Variants in IDO2 observed in about 807,000 individuals in gnomAD.
IDO2 encodes indoleamine 2,3-dioxygenase-like 1 protein.
In IDO2, 46 loss-of-function variants were observed where a neutral mutation model predicts 45.1. The ratio of observed to expected loss-of-function variants is 1.02; its 90% CI spans 0.80 to 1.30. The LOEUF (loss-of-function observed/expected upper bound fraction) is 1.30. IDO2 is among the 50% of genes most tolerant of loss of function. The pLI is 0.00. For synonymous variants in IDO2, 218 were observed against 184.9 expected, an observed-to-expected ratio of 1.18 and a Z score of -1.45; for missense variants, 544 against 491.8, an observed-to-expected ratio of 1.11 and a Z score of -1.00.
chr8:40,003,368 C>CAAAAA (rs1172335332), intron 8 of IDO2, among the ~76,000 whole-genome samples: 6 of 118,416 alleles, frequency 5.1e-5, no homozygotes, highest in East Asian at 2.8e-4. Context: ...GACTCCATCT[C>CAAAAA]AAAAAAAAAA....
intron 1 of IDO2, among the ~76,000 whole-genome samples, chr8:39,945,543 T>G (rs1807716119): frequency 6.6e-6 from 1 of 152,220 alleles, no homozygotes; most frequent in Non-Finnish European, 1.5e-5. Flanking sequence ...GTCAGGTGCT[T>G]GTTTGATACC....
intron 4 of IDO2, among the ~76,000 whole-genome samples, chr8:39,980,209 G>A (rs1808322639): frequency 6.6e-6 from 1 of 152,112 alleles, no homozygotes; most frequent in African/African-American, 2.4e-5. Context: ...TCATAATCCT[G>A]TAAAGTAACA....
At chr8:39,979,134 G>T in exon 4 of IDO2, 2 of 1,603,334 alleles carry the variant, frequency 1.2e-6, no homozygotes, top group South Asian at 2.3e-5. Context: ...CTGGTCCTGA[G>T]CTTCCTCACC....
chr8:39,965,939 A>C (rs886762887), intron 3 of IDO2, among the ~76,000 whole-genome samples: 3 of 151,184 alleles, frequency 2.0e-5, no homozygotes, highest in African/African-American at 7.3e-5. Context: ...GGCAGAGTAC[A>C]TTTCTGCTAT....
At chr8:40,016,053 G>C in exon 11 of IDO2, 1 of 391,696 alleles carries the variant, frequency 2.6e-6, no homozygotes, top group Non-Finnish European at 4.5e-6. Context: ...TCCCAGACCA[G>C]CCCTCTTCTC....
chr8:39,967,465 G>A (rs1327244810), intron 3 of IDO2, among the ~76,000 whole-genome samples: 1 of 152,006 alleles, frequency 6.6e-6, no homozygotes, highest in Non-Finnish European at 1.5e-5. Context: ...CTGTTTACCT[G>A]TAATGCTAAA....
chr8:40,002,862 G>A (rs548265947), intron 8 of IDO2, among the ~76,000 whole-genome samples: 18 of 152,158 alleles, frequency 1.2e-4, no homozygotes, highest in Middle Eastern at 3.4e-3. Flanking sequence ...TTAATTTGGA[G>A]AAAAATGACT....
exon 4 of IDO2, chr8:39,979,129 C>T (rs1449826595): frequency 1.2e-6 from 2 of 1,603,162 alleles, no homozygotes; most frequent in South Asian, 2.3e-5. Context: ...CCCACCTGGT[C>T]CTGAGCTTCC....
At position 40,015,650 on chromosome 8, in the gene IDO2, G is replaced by A. The variant is rs1402522820; in HGVS notation, c.*48G>A. 2.9e-6 allele frequency: 4 copies of A among 1,395,672 alleles called. No individual in the cohort carries two copies. The African/African-American group carries it at 4.3e-5, about 15-fold the overall frequency. 86.5% of individuals were successfully genotyped at this position (1,395,672 alleles called of 1,614,324 possible). ...TGCAGAGCCCCCATGGAGGGCAGGTGGGCCTGGAGAATGAGGGTCAGGGTT... is the reference window on the plus strand; with the variant it reads ...TGCAGAGCCCCCATGGAGGGCAGGTAGGCCTGGAGAATGAGGGTCAGGGTT... On this transcript the variant is annotated 3_prime_UTR_variant, in exon 11 of 11. Coordinates refer to ENST00000502986, the Ensembl canonical transcript of IDO2.
At chr8:39,941,409 T>G (rs918544554) in intron 1 of IDO2, among the ~76,000 whole-genome samples, 2 of 152,132 alleles carry the variant, frequency 1.3e-5, no homozygotes, top group Admixed American at 1.3e-4. Flanking sequence ...TAAATCATTT[T>G]TGAGGGCTTG....
chr8:39,973,181 A>T (rs1362846), intron 3 of IDO2, among the ~76,000 whole-genome samples: 157 of 152,090 alleles, frequency 1.0e-3, no homozygotes, highest in African/African-American at 3.7e-3. Context: ...AGAATTAATA[A>T]GTGCCACTGG....
At chr8:39,944,566 C>G (rs1807703489) in intron 1 of IDO2, among the ~76,000 whole-genome samples, 1 of 152,196 alleles carries the variant, frequency 6.6e-6, no homozygotes, top group Non-Finnish European at 1.5e-5. Flanking sequence ...ATGCAATTAA[C>G]TGGTAAGATA....
Position 40,005,466 on chromosome 8 carries a change from C to G in IDO2, c.719+88C>G. On this transcript the variant is annotated intron_variant, in intron 9 of 10. Transcript: ENST00000502986. ...GGACGAAGAGACAGAAGCTTCCTAG[C>G]GTAAGAAACATACCAAGTGACTCTT... The G allele has an allele frequency of 3.8e-6, 3 of 799,802 alleles. No individual in the cohort carries two copies. In the South Asian group the frequency reaches 9.2e-5, roughly 24 times the overall value. 49.5% of individuals were successfully genotyped at this position (799,802 alleles called of 1,614,324 possible). A position where few individuals can be genotyped will look rare whatever the true frequency, so the allele number is the denominator to read the frequency against.
chr8:39,959,728 C>G (rs1301976198), intron 2 of IDO2, among the ~76,000 whole-genome samples: 3 of 152,164 alleles, frequency 2.0e-5, no homozygotes, highest in Admixed American at 6.6e-5. Flanking sequence ...GAGGCTGAGG[C>G]AGGAGAATCT....
intron 3 of IDO2, among the ~76,000 whole-genome samples, chr8:39,976,576 A>G (rs567912068): frequency 6.6e-6 from 1 of 152,344 alleles, no homozygotes; most frequent in African/African-American, 2.4e-5. Flanking sequence ...GGAAGTTATA[A>G]GATGCATTTC....
chr8:39,964,341 T>A (rs938305375), intron 3 of IDO2, among the ~76,000 whole-genome samples: 1 of 152,234 alleles, frequency 6.6e-6, no homozygotes, highest in Non-Finnish European at 1.5e-5. Flanking sequence ...TCCTTATTTA[T>A]AAAATGAGAG....
At chr8:40,002,714 G>T (rs544496065) in intron 8 of IDO2, among the ~76,000 whole-genome samples, 342 of 152,138 alleles carry the variant, frequency 2.2e-3, no homozygotes, top group Non-Finnish European at 3.2e-3. Context: ...TGGCAGGCGG[G>T]GGGTGCAGTG....
chr8:40,015,080 CAG>C (rs1272073922), intron 10 of IDO2, among the ~76,000 whole-genome samples, 165 bp from the exon 11 acceptor site: 1 of 151,920 alleles, frequency 6.6e-6, no homozygotes, highest in Non-Finnish European at 1.5e-5. Flanking sequence ...CACTTGAACT[CAG>C]GGGCAGAGGT....
At chr8:40,003,927 T>A (rs1181906590) in intron 8 of IDO2, among the ~76,000 whole-genome samples, 1 of 152,188 alleles carries the variant, frequency 6.6e-6, no homozygotes, top group African/African-American at 2.4e-5. Context: ...TGAAGTTTTC[T>A]GCATGTTTGT....
Sources: allele counts gnomAD v4.1 joint callset (sites outside exome capture counted in the v4.1 genomes callset), GRCh38; gene constraint gnomAD v4.1.1; transcripts MANE v1.5; gene names NCBI Gene and HGNC (gene_info 2026-07-23, HGNC 2026-07-21).